CHFR: variants seen among roughly 807,000 people sequenced by gnomAD.
CHFR encodes E3 ubiquitin-protein ligase CHFR.
A neutral mutation model predicts 87.6 loss-of-function variants in CHFR; 57 were observed. The observed-to-expected ratio is 0.65, with a 90% CI of 0.53 to 0.81. CHFR has a LOEUF of 0.81. Ranked by LOEUF, CHFR falls within the 30% of genes least tolerant of loss-of-function variation. CHFR has a pLI of 0.00. For missense variants in CHFR, 797 were observed against 865.8 expected (o/e 0.92, Z 1.00); for synonymous variants, 381 against 359.2 (o/e 1.06, Z -0.69).
intron 1 of CHFR, 55 bp from the exon 2 acceptor site, chr12:132,887,395 C>T: frequency 1.6e-6 from 2 of 1,213,166 alleles, no homozygotes; most frequent in Non-Finnish European, 2.1e-6. Context: ...GGCCGAGACT[C>T]GGCGCCCGCC....
chr12:132,843,774 C>T (rs1950750432), intron 16 of CHFR, among the ~76,000 whole-genome samples: 1 of 151,972 alleles, frequency 6.6e-6, no homozygotes, highest in African/African-American at 2.4e-5. Context: ...CATGGTGAAA[C>T]CCCGTCTCTA....
At chr12:132,845,991 G>A (rs1358182813) in intron 15 of CHFR, among the ~76,000 whole-genome samples, 4 of 152,332 alleles carry the variant, frequency 2.6e-5, no homozygotes, top group East Asian at 1.9e-4. Flanking sequence ...ATGAAGGGCT[G>A]TAGAAGCTCA....
chr12:132,856,638 T>C lies in CHFR; in HGVS notation c.1067-8A>G, dbSNP rs1190084442. ...CTTCACTGCGACTCTTGTCTAGAAT[T>C]GAAAGGACACAGCGCCATTCACCGG... On this transcript the variant is annotated splice_region_variant and splice_polypyrimidine_tract_variant and intron_variant, in intron 9 of 17. Coordinates refer to ENST00000450056, the MANE Select transcript of CHFR (RefSeq NM_001161346.2). The C allele has an allele frequency of 6.2e-7, 1 of 1,613,694 alleles. No individual in the cohort carries two copies. Among genetic ancestry groups the C allele is most frequent in the South Asian group, 1.1e-5 (1 of 91,082 alleles).
chr12:132,877,252 T>C (rs767051971), intron 3 of CHFR, among the ~76,000 whole-genome samples: 20 of 152,178 alleles, frequency 1.3e-4, no homozygotes, highest in Non-Finnish European at 2.6e-4. Context: ...GCTGTATAGG[T>C]TGATAGCCTA....
chr12:132,887,391 G>A (rs941554207), intron 1 of CHFR, 51 bp from the exon 2 acceptor site: 17 of 1,225,878 alleles, frequency 1.4e-5, no homozygotes, highest in Non-Finnish European at 1.7e-5. Context: ...CAGAGGCCGA[G>A]ACTCGGCGCC....
At chr12:132,867,771 G>T (rs1009972188) in intron 6 of CHFR, 1 of 152,094 alleles carries the variant, frequency 6.6e-6, no homozygotes, top group Non-Finnish European at 1.5e-5. Flanking sequence ...GAGCCCAGAC[G>T]ACACGAAGAA....
intron 8 of CHFR, among the ~76,000 whole-genome samples, chr12:132,858,723 T>TC (rs1951139930): frequency 3.4e-5 from 1 of 29,594 alleles, no homozygotes; most frequent in Admixed American, 6.6e-4. Flanking sequence ...CGAGACTCCA[T>TC]CTAAAAAAAA....
At chr12:132,842,441 G>A (rs568564354) in intron 17 of CHFR, among the ~76,000 whole-genome samples, 1 of 152,308 alleles carries the variant, frequency 6.6e-6, no homozygotes, top group East Asian at 1.9e-4. Flanking sequence ...GCCTTTCTCT[G>A]AGTCCACACA....
At chr12:132,877,739 T>TGGAA in intron 2 of CHFR, 85 bp from the exon 3 acceptor site, 1 of 751,006 alleles carries the variant, frequency 1.3e-6, no homozygotes, top group Non-Finnish European at 2.2e-6. Flanking sequence ...AGTATGTGGT[T>TGGAA]CCAACTCAGG....
intron 15 of CHFR, among the ~76,000 whole-genome samples, chr12:132,845,130 A>C (rs960503139): frequency 2.0e-5 from 3 of 152,216 alleles, no homozygotes; most frequent in Admixed American, 2.0e-4. Context: ...AAACATTTGC[A>C]ACACAAATGA....
In CHFR at chr12:132,851,662, C is replaced by T. The variant is rs969442993; in HGVS notation, c.1448G>A (p.Arg483Gln). The T allele has an allele frequency of 2.5e-6, 4 of 1,613,066 alleles. No homozygotes were observed. Among genetic ancestry groups the T allele is most frequent in the East Asian group, 2.2e-5 (1 of 44,894 alleles). Residue 483 changes from arginine (R) to glutamine (Q), a missense_variant, in exon 12 of 18, where the codon CGG becomes CAG. Physicochemically the swap from Arg to Gln is conservative, Grantham distance 43. Transcript: ENST00000450056. Reference sequence around the variant, plus strand: ...CGGGTCCTGCTCGCGCTCCGCTCTCCGGTCGGGCATGGGCTGGAAGCAGCA... The same window carrying T: ...CGGGTCCTGCTCGCGCTCCGCTCTCTGGTCGGGCATGGGCTGGAAGCAGCA... Reference protein sequence around the residue: ...CTCCFQPMPDRRAEREQDPRV... With the variant: ...CTCCFQPMPDQRAEREQDPRV...
At chr12:132,876,108 G>A (rs1052595938) in intron 3 of CHFR, among the ~76,000 whole-genome samples, 1 of 151,704 alleles carries the variant, frequency 6.6e-6, no homozygotes. Flanking sequence ...CCTGGGAGTC[G>A]GAGGTCGCAG....
intron 10 of CHFR, chr12:132,853,906 G>A (rs2136952975): frequency 3.3e-6 from 1 of 304,896 alleles, no homozygotes; most frequent in Non-Finnish European, 6.1e-6. Flanking sequence ...CACGCCCCGT[G>A]CTCCTCAGGA....
chr12:132,872,437 T>C (rs770100999), intron 3 of CHFR, 43 bp from the exon 4 acceptor site: 4 of 1,469,774 alleles, frequency 2.7e-6, no homozygotes, highest in South Asian at 2.3e-5. Context: ...TTAAAATAAC[T>C]TGGAGTTACA....
rs373750424 is a variant in CHFR at position 132,836,436 on chromosome 12, C to T, written c.*5118G>A. On this transcript the variant is annotated 3_prime_UTR_variant, in exon 18 of 18. Transcript: ENST00000450056. ...CCCTCACAGTGACAGGCTCCCAGCA[C>T]GGCGCACGGCACTCACAGTGACAGG... 1 of 283,646 alleles carries T rather than the reference C, an allele frequency of 3.5e-6. No individual in the cohort carries two copies. The highest frequency in any genetic ancestry group is 6.5e-6 in the Non-Finnish European group (1 of 155,020). 17.6% of individuals were successfully genotyped at this position (283,646 alleles called of 1,614,324 possible).
At chr12:132,855,926 T>A (rs758817679) in intron 10 of CHFR, among the ~76,000 whole-genome samples, 2 of 152,190 alleles carry the variant, frequency 1.3e-5, no homozygotes, top group Non-Finnish European at 2.9e-5. Context: ...GTCTTGTGCA[T>A]TAGGAAACCT....
At chr12:132,871,960 G>C (rs1371740866) in intron 4 of CHFR, 3 of 286,382 alleles carry the variant, frequency 1.0e-5, no homozygotes, top group Non-Finnish European at 2.0e-5. Flanking sequence ...CCAGACCCCT[G>C]GTCCTAGGTT....
intron 2 of CHFR, among the ~76,000 whole-genome samples, chr12:132,880,173 A>G (rs553575364): frequency 6.6e-6 from 1 of 152,356 alleles, no homozygotes; most frequent in Non-Finnish European, 1.5e-5. Flanking sequence ...ATGCTATAGT[A>G]AACAATACAG....
chr12:132,867,666 C>T (rs1381853844), intron 6 of CHFR: 1 of 152,150 alleles, frequency 6.6e-6, no homozygotes, highest in East Asian at 1.9e-4. Flanking sequence ...GAAACACAGC[C>T]TAATCTGAGA....
Sources: gnomAD v4.1 joint callset for allele counts (sites outside exome capture counted in the v4.1 genomes callset) on GRCh38, gnomAD v4.1.1 for gene constraint, MANE v1.5 for transcripts, NCBI Gene and HGNC (gene_info 2026-07-23, HGNC 2026-07-21) for gene names.